MAK: variants seen among roughly 807,000 people sequenced by gnomAD.
MAK encodes the protein male germ cell associated kinase.
Under a neutral mutation model 82.6 loss-of-function variants are expected in MAK, and 65 were observed. The observed-to-expected ratio is 0.79, with a 90% CI of 0.64 to 0.97. The LOEUF (loss-of-function observed/expected upper bound fraction) is 0.97. Ranked by LOEUF, MAK falls within the 50% of genes least tolerant of loss-of-function variation. The pLI is 0.00. For missense variants in MAK, 703 were observed against 780.2 expected (o/e 0.90, Z 1.18); for synonymous variants, 250 against 274.2 (o/e 0.91, Z 0.87).
chr6:10,784,658 C>CATCTCGCCCACCCTCTGCAA, intron 10 of MAK, 86 bp from the exon 11 acceptor site: 1 of 1,220,598 alleles, frequency 8.2e-7, no homozygotes, highest in Non-Finnish European at 1.2e-6. Context: ...ACCCTCTGCA[C>CATCTCGCCCACCCTCTGCAA]ATCTTCCTAA....
At chr6:10,767,422 T>A (rs951929605) in intron 14 of MAK, among the ~76,000 whole-genome samples, 1 of 152,070 alleles carries the variant, frequency 6.6e-6, no homozygotes, top group Admixed American at 6.6e-5. Context: ...CTCCTCGAAG[T>A]CCTTGTTAGT....
chr6:10,827,080 C>T (rs1450795213), intron 2 of MAK, among the ~76,000 whole-genome samples: 1 of 152,150 alleles, frequency 6.6e-6, no homozygotes, highest in African/African-American at 2.4e-5. Flanking sequence ...CACTGCACTC[C>T]AGCCTGGCAA....
At chr6:10,813,125 TATATATATAAA>T (rs201358467) in intron 5 of MAK, among the ~76,000 whole-genome samples, 126 of 944 alleles carry the variant, frequency 0.13, 28 homozygotes, top group East Asian at 0.25. Context: ...TATATATATA[TATATATATAAA>T]TTTTTTTTTT....
chr6:10,784,889 G>A (rs1026739047), intron 10 of MAK: 5 of 517,466 alleles, frequency 9.7e-6, no homozygotes, highest in Non-Finnish European at 1.9e-5. Flanking sequence ...AAACTGGTGT[G>A]CTGAGAGGGA....
chr6:10,804,544 T>C (rs1477331856), intron 6 of MAK, among the ~76,000 whole-genome samples: 1 of 152,194 alleles, frequency 6.6e-6, no homozygotes, highest in African/African-American at 2.4e-5. Context: ...GGTTTCCCCA[T>C]GTTGGCCAGG....
intron 2 of MAK, among the ~76,000 whole-genome samples, chr6:10,821,640 G>A (rs1777945292): frequency 6.6e-6 from 1 of 152,130 alleles, no homozygotes; most frequent in Non-Finnish European, 1.5e-5. Context: ...TACTTTTCAA[G>A]CTTCAGTGAT....
At chr6:10,834,598 A>G (rs1175147414) in intron 1 of MAK, among the ~76,000 whole-genome samples, 1 of 152,114 alleles carries the variant, frequency 6.6e-6, no homozygotes, top group Non-Finnish European at 1.5e-5. Context: ...CTCAAACACT[A>G]AGATATTGCT....
In MAK at chr6:10,776,636, G is replaced by A. The variant is rs1490478853; in HGVS notation, c.1466-1177C>T. ...CCTTAGAAAGGTTTCATATGTATGA[G>A]ATATATAATAATATCCCTTATTTTG... On this transcript the variant is annotated intron_variant, in intron 11 of 14. Transcript: ENST00000354489. The surrounding 1 kb of genome is among the most constrained non-coding windows in gnomAD (Gnocchi z 4.3). Among the ~76,000 whole-genome samples, 2 of 152,090 alleles carry A rather than the reference G, an allele frequency of 1.3e-5. No homozygotes were observed. Among genetic ancestry groups the A allele is most frequent in the South Asian group, 2.1e-4 (1 of 4,828 alleles).
chr6:10,832,059 T>G (rs949573563), intron 1 of MAK, among the ~76,000 whole-genome samples: 14 of 151,516 alleles, frequency 9.2e-5, no homozygotes, highest in African/African-American at 3.4e-4. Context: ...TCCTCACCCC[T>G]GTCACCATCA....
At chr6:10,766,442 G>C (rs1201186871) in intron 14 of MAK, among the ~76,000 whole-genome samples, 2 of 152,182 alleles carry the variant, frequency 1.3e-5, no homozygotes, top group Admixed American at 6.5e-5. Context: ...TCCATGGTTT[G>C]ACAGGTCCTT....
chr6:10,797,192 A>G (rs567251239), intron 8 of MAK, among the ~76,000 whole-genome samples: 1 of 152,328 alleles, frequency 6.6e-6, no homozygotes, highest in South Asian at 2.1e-4. Context: ...GTATACCAGC[A>G]AAGAGAAGAC....
At chr6:10,768,472 T>G (rs1029022786) in intron 14 of MAK, among the ~76,000 whole-genome samples, 1 of 151,866 alleles carries the variant, frequency 6.6e-6, no homozygotes. Context: ...TCCCAGCTGC[T>G]TGGGAGGCTG....
intron 7 of MAK, among the ~76,000 whole-genome samples, chr6:10,803,506 C>T (rs1776169612): frequency 6.7e-6 from 1 of 148,486 alleles, no homozygotes; most frequent in Non-Finnish European, 1.5e-5. Flanking sequence ...GATTGAGCCA[C>T]TGCACTCCAA....
At chr6:10,809,016 A>G in intron 5 of MAK, 74 bp from the exon 6 acceptor site, 1 of 1,308,784 alleles carries the variant, frequency 7.6e-7, no homozygotes, top group Non-Finnish European at 1.1e-6. Flanking sequence ...ATTTATAAAC[A>G]AAATATAAAT....
chr6:10,804,118 T>C (rs1776226350), intron 6 of MAK, among the ~76,000 whole-genome samples: 1 of 152,048 alleles, frequency 6.6e-6, no homozygotes, highest in Non-Finnish European at 1.5e-5. Flanking sequence ...GTCTATGAAA[T>C]GTCCATCAAG....
chr6:10,770,306 C>A (rs959435762), intron 13 of MAK, 76 bp from the exon 14 acceptor site: 1 of 1,497,968 alleles, frequency 6.7e-7, no homozygotes, highest in Admixed American at 1.7e-5. Flanking sequence ...GAATACTACC[C>A]CATTACTTCT....
At chr6:10,822,686 GTC>G (rs1778052754) in intron 2 of MAK, among the ~76,000 whole-genome samples, 1 of 152,090 alleles carries the variant, frequency 6.6e-6, no homozygotes, top group Non-Finnish European at 1.5e-5. Flanking sequence ...GCCATCTTTT[GTC>G]ATTTATTAAT....
chr6:10,767,225 G>T (rs770241104), intron 14 of MAK, among the ~76,000 whole-genome samples: 2 of 152,192 alleles, frequency 1.3e-5, no homozygotes, highest in Non-Finnish European at 1.5e-5. Flanking sequence ...TCTAGTTATG[G>T]ATTTAATTGA....
intron 3 of MAK, among the ~76,000 whole-genome samples, chr6:10,818,605 C>T (rs1209304933): frequency 9.1e-6 from 1 of 110,110 alleles, no homozygotes; most frequent in Admixed American, 9.5e-5. Flanking sequence ...CAGAGTAAGA[C>T]TCTGTCACAA....
Sources: allele counts gnomAD v4.1 joint callset (sites outside exome capture counted in the v4.1 genomes callset), GRCh38; gene constraint gnomAD v4.1.1; non-coding constraint Gnocchi (gnomAD v3.1); transcripts MANE v1.5; gene names NCBI Gene and HGNC (gene_info 2026-07-23, HGNC 2026-07-21).